RASGRF1: variants seen among roughly 807,000 people sequenced by gnomAD.
RASGRF1 encodes the protein ras-specific guanine nucleotide-releasing factor 1.
RASGRF1 carries 40 observed loss-of-function variants against 138.7 expected under a neutral mutation model. The ratio of observed to expected loss-of-function variants is 0.29; its 90% confidence interval spans 0.22 to 0.38. The LOEUF (loss-of-function observed/expected upper bound fraction) is 0.38, where lower values mean the gene tolerates loss of function less well. Ranked by LOEUF, RASGRF1 falls within the 10% of genes least tolerant of loss-of-function variation. The probability of loss-of-function intolerance (pLI) is 1.00; values close to 1 mark genes in which losing one functional copy is unlikely to be tolerated. For synonymous variants in RASGRF1, 614 were observed against 663.2 expected (o/e 0.93, Z 1.14); for missense variants, 1,108 against 1,650.4 (o/e 0.67, Z 5.69).
chr15:78,980,575 G>A lies in RASGRF1; in HGVS notation c.3494+45C>T, dbSNP rs374659199. On this transcript the variant is annotated intron_variant, in intron 24 of 26. Transcript: ENST00000558480. The stretch of plus-strand genomic sequence containing the variant: ...GCACGTGAATGCCTCTGCAATGCAG[G>A]TCTATGATTTTAAAAATAACAGCGA... 98 of 1,496,590 alleles carry A rather than the reference G, an allele frequency of 6.5e-5. No homozygotes were observed. The East Asian group carries it at 1.2e-3, about 19-fold the overall frequency. The allele number at this position is 1,496,590 out of a possible 1,614,324, so 92.7% of individuals were successfully genotyped here.
intron 13 of RASGRF1, chr15:79,012,471 C>A (rs376363630): frequency 4.6e-6 from 7 of 1,514,256 alleles, no homozygotes; most frequent in Non-Finnish European, 6.4e-6. Flanking sequence ...ATGAATTTCC[C>A]GAGGACGGAG....
Position 79,006,845 on chromosome 15 carries a change from C to G in RASGRF1, c.1827-411G>C, listed in dbSNP as rs556026458. 2.4e-3 allele frequency among the ~76,000 whole-genome samples: 359 copies of G among 152,160 alleles called. 3 individuals are homozygous for G. The highest frequency in any genetic ancestry group is 3.0e-3 in the Non-Finnish European group (204 of 68,008). On this transcript the variant is annotated intron_variant, in intron 13 of 26. Coordinates refer to ENST00000558480, the MANE Select transcript of RASGRF1 (RefSeq NM_001145648.3). This position sits in a 1 kb window ranked among gnomAD's most constrained non-coding sequence, Gnocchi z 4.0. ...TGGGCAACATGGCGAAACCCTGTCTCTCTTAAAAATACAAAAGTTAGCTAG... is the reference window on the plus strand; with the variant it reads ...TGGGCAACATGGCGAAACCCTGTCTGTCTTAAAAATACAAAAGTTAGCTAG...
chr15:78,985,926 G>GAAAAAAAAAA (rs10584043), intron 22 of RASGRF1: 1 of 83,374 alleles, frequency 1.2e-5, no homozygotes, highest in Non-Finnish European at 2.1e-5. Context: ...CTCCATCTCA[G>GAAAAAAAAAA]AAAAAAAAAA....
rs975783382 is a variant in RASGRF1 at position 79,032,454 on chromosome 15, C to T, written c.959-138G>A. 5.1e-6 allele frequency: 4 copies of T among 778,914 alleles called. No homozygotes were observed. The highest frequency in any genetic ancestry group is 2.7e-5 in the East Asian group (1 of 37,256). The allele number at this position is 778,914 out of a possible 1,614,324, so 48.3% of individuals were successfully genotyped here. Reference sequence around the variant, plus strand: ...TCCCCACCCCAGAGACATCTCTGCTCTTGGGGATGACTCCAGTACCACTGC... The same window carrying T: ...TCCCCACCCCAGAGACATCTCTGCTTTTGGGGATGACTCCAGTACCACTGC... On this transcript the variant is annotated intron_variant, in intron 6 of 26. Transcript: ENST00000558480. The surrounding 1 kb of genome is among the most constrained non-coding windows in gnomAD (Gnocchi z 4.5).
intron 1 of RASGRF1, among the ~76,000 whole-genome samples, chr15:79,080,362 G>T (rs2057898765): frequency 6.6e-6 from 1 of 152,368 alleles, no homozygotes; most frequent in African/African-American, 2.4e-5. Context: ...GGGAGGAAAG[G>T]GGGTGGGAGG....
rs565536358 is a variant in RASGRF1 at position 78,998,589 on chromosome 15, C to T, written c.2853+130G>A. ...AACATCAGGGTGGCACATTTGAGCT[C>T]CCTCCCTTCTGCTGCCCCACTGCCA... On this transcript the variant is annotated intron_variant, in intron 18 of 26. Coordinates refer to ENST00000558480, the MANE Select transcript of RASGRF1 (RefSeq NM_001145648.3). The T allele has an allele frequency of 1.6e-4, 118 of 760,746 alleles. No homozygotes were observed. The South Asian group carries it at 1.8e-3, about 12-fold the overall frequency. The allele number at this position is 760,746 out of a possible 1,614,324, so 47.1% of individuals were successfully genotyped here.
At position 79,015,341 on chromosome 15, in the gene RASGRF1, C is replaced by A. The variant is rs147986227; in HGVS notation, c.1812G>T (p.Val604=). ...NAFEENSKVT[V]PQMIKSDASL... is the part of the protein sequence containing the mutation. ...AGGGCACTTACTTGATCATCTGCGG[C>A]ACAGTGACCTTGGAATTTTCTTCAA... Residue 604 remains valine, a synonymous_variant, in exon 13 of 27, where the codon GTG becomes GTT. Transcript: ENST00000558480. 2.0e-5 allele frequency: 33 copies of A among 1,613,496 alleles called. 1 individual carries two copies. The Admixed American group carries it at 4.7e-4, about 23-fold the overall frequency.
At chr15:79,009,009 A>G (rs116802413) in intron 13 of RASGRF1, among the ~76,000 whole-genome samples, 1,694 of 152,116 alleles carry the variant, frequency 0.011, 39 homozygotes, top group African/African-American at 0.039. Context: ...TAGTGATGAC[A>G]CCTCTGTCAT....
chr15:78,977,872 C>G (rs1038215518), intron 24 of RASGRF1, among the ~76,000 whole-genome samples: 1 of 152,182 alleles, frequency 6.6e-6, no homozygotes, highest in African/African-American at 2.4e-5. Context: ...TGCTGGTGAC[C>G]ACATTTTGCT....
chr15:78,998,796 T>C lies in RASGRF1; in HGVS notation c.2776A>G (p.Lys926Glu). The change falls in exon 18 of 27, where the codon AAG becomes GAG. Residue 926 changes from lysine (K) to glutamate (E), a missense_variant. Transcript: ENST00000558480. ...GCTGCTCTGCGGATCACAAACTCCT[T>C]GTCTCCATTCCTCTGGTCTGGGGGA... ...GFPPDQRNGD[K>E]EFVIRRAATN... 2 of 1,614,044 alleles carry C rather than the reference T, an allele frequency of 1.2e-6. No individual in the cohort carries two copies. The highest frequency in any genetic ancestry group is 1.7e-6 in the Non-Finnish European group (2 of 1,179,924).
intron 3 of RASGRF1, among the ~76,000 whole-genome samples, chr15:79,054,343 C>T (rs1184201772): frequency 6.6e-6 from 1 of 152,156 alleles, no homozygotes; most frequent in Non-Finnish European, 1.5e-5. Context: ...CATTTTTGAG[C>T]TGTTTTCTGT....
chr15:78,982,448 TA>T (rs2056055175), intron 23 of RASGRF1, among the ~76,000 whole-genome samples: 1 of 152,092 alleles, frequency 6.6e-6, no homozygotes, highest in African/African-American at 2.4e-5. Flanking sequence ...AGCTGCTGCT[TA>T]AAAAGTATGT....
intron 2 of RASGRF1, 66 bp downstream of exon 2, chr15:79,064,354 T>C (rs2057647786): frequency 2.0e-6 from 3 of 1,485,106 alleles, no homozygotes; most frequent in Non-Finnish European, 2.8e-6. Context: ...TCAAAGGCCC[T>C]TGGGTCTGGT....
intron 26 of RASGRF1, among the ~76,000 whole-genome samples, chr15:78,962,473 TA>T (rs546941822): frequency 6.6e-6 from 1 of 152,000 alleles, no homozygotes; most frequent in Non-Finnish European, 1.5e-5. Context: ...GGTACAAAAG[TA>T]AAAAAAAGTC....
chr15:78,965,364 C>T (rs2055622791), intron 26 of RASGRF1, among the ~76,000 whole-genome samples: 1 of 152,194 alleles, frequency 6.6e-6, no homozygotes, highest in Non-Finnish European at 1.5e-5. Flanking sequence ...AACAACCCCC[C>T]TCTTTAGCCA....
intron 13 of RASGRF1, among the ~76,000 whole-genome samples, chr15:79,007,124 A>G (rs544998883): frequency 6.6e-6 from 1 of 152,374 alleles, no homozygotes; most frequent in African/African-American, 2.4e-5. Flanking sequence ...AATGTGGTCT[A>G]TTTGATCTGC....
In RASGRF1 at chr15:78,978,392, T is replaced by C. The variant is rs1008488146; in HGVS notation, c.3494+2228A>G. ...GGCATGTGCCACCACGCCTGGCTAA[T>C]TTTTGTATTTTCAGTAGAGACAGGG... On this transcript the variant is annotated intron_variant, in intron 24 of 26. Coordinates refer to ENST00000558480, the MANE Select transcript of RASGRF1 (RefSeq NM_001145648.3). The C allele has an allele frequency of 7.8e-6, 4 of 515,478 alleles. No homozygotes were observed. The African/African-American group carries it at 8.4e-5, about 11-fold the overall frequency. 31.9% of individuals were successfully genotyped at this position (515,478 alleles called of 1,614,324 possible).
intron 23 of RASGRF1, among the ~76,000 whole-genome samples, chr15:78,983,686 G>A (rs1361837279): frequency 6.6e-6 from 1 of 152,250 alleles, no homozygotes; most frequent in Non-Finnish European, 1.5e-5. Context: ...GAGGTTGGGT[G>A]ACTTGGAGGT....
rs776386997 is a variant in RASGRF1 at position 79,012,544 on chromosome 15, G to A, written c.1826+2783C>T. ...CTGGTCCTCCTGTGAAGAAAACCAG[G>A]CTTTAGATTGGTAAGCAGATGGGTC... On this transcript the variant is annotated intron_variant, in intron 13 of 26. Transcript: ENST00000558480. 50 of 1,613,942 alleles carry A rather than the reference G, an allele frequency of 3.1e-5. No individual in the cohort carries two copies. In the Admixed American group the frequency reaches 5.7e-4, roughly 18 times the overall value.
Sources: allele counts gnomAD v4.1 joint callset (sites outside exome capture counted in the v4.1 genomes callset), GRCh38; gene constraint gnomAD v4.1.1; non-coding constraint Gnocchi (gnomAD v3.1); transcripts MANE v1.5; gene names NCBI Gene and HGNC (gene_info 2026-07-23, HGNC 2026-07-21).